Variants in GAS2 observed in about 807,000 individuals in gnomAD.
The protein encoded by GAS2 is growth arrest-specific protein 2.
Under a neutral mutation model 37.5 loss-of-function variants are expected in GAS2, and 20 were observed. The observed-to-expected ratio is 0.53, with a 90% CI of 0.37 to 0.77. GAS2 has a LOEUF of 0.77. Among genes scored for constraint, GAS2 ranks in the 30% least tolerant of loss-of-function variants. GAS2 has a pLI of 0.00. For synonymous variants in GAS2, 144 were observed against 132.2 expected, an observed-to-expected ratio of 1.09 and a Z score of -0.61; for missense variants, 336 against 373.4, an observed-to-expected ratio of 0.90 and a Z score of 0.82.
chr11:22,715,850 A>T (rs1565105443), intron 3 of GAS2, among the ~76,000 whole-genome samples: 1 of 152,116 alleles, frequency 6.6e-6, no homozygotes, highest in Non-Finnish European at 1.5e-5. Flanking sequence ...TCTATTAATC[A>T]AGTATTACCC....
intron 7 of GAS2, among the ~76,000 whole-genome samples, chr11:22,809,790 G>A (rs375974612): frequency 5.9e-5 from 9 of 151,792 alleles, no homozygotes; most frequent in East Asian, 1.9e-4. Flanking sequence ...CACCACGCCC[G>A]ACCATATTTA....
intron 1 of GAS2, among the ~76,000 whole-genome samples, chr11:22,652,765 T>TCG (rs1181497518): frequency 6.6e-6 from 1 of 152,154 alleles, no homozygotes; most frequent in Non-Finnish European, 1.5e-5. Context: ...AGGCAATGCC[T>TCG]CGCCCTGCTT....
At chr11:22,701,778 G>A (rs936310998) in intron 3 of GAS2, among the ~76,000 whole-genome samples, 2 of 151,648 alleles carry the variant, frequency 1.3e-5, no homozygotes, top group African/African-American at 2.4e-5. Context: ...GCAGTGAGCC[G>A]AGATCACACC....
chr11:22,627,841 A>G (rs981433384), intron 1 of GAS2, among the ~76,000 whole-genome samples: 2 of 152,134 alleles, frequency 1.3e-5, no homozygotes, highest in African/African-American at 2.4e-5. Flanking sequence ...TGAAAGTTCA[A>G]AGCTGAGTGT....
chr11:22,698,163 G>A (rs1338286699), intron 3 of GAS2, among the ~76,000 whole-genome samples: 2 of 152,024 alleles, frequency 1.3e-5, no homozygotes, highest in African/African-American at 4.8e-5. Flanking sequence ...TCAAATAGAT[G>A]CAATAAAAAA....
intron 7 of GAS2, among the ~76,000 whole-genome samples, chr11:22,791,917 A>G (rs2109681): frequency 0.36 from 55,201 of 152,062 alleles, 10,258 homozygotes; most frequent in Non-Finnish European, 0.4. Context: ...ATGAGGAGTG[A>G]ATATTGGTGT....
chr11:22,749,153 G>A lies in GAS2; in HGVS notation c.507G>A (p.Leu169=). 1 of 1,612,280 alleles carries A rather than the reference G, an allele frequency of 6.2e-7. No homozygotes were observed. The highest frequency in any genetic ancestry group is 8.5e-7 in the Non-Finnish European group (1 of 1,179,032). Residue 169 remains leucine (L), a synonymous_variant, in exon 6 of 8, where the codon CTG becomes CTA. Coordinates refer to ENST00000454584, the MANE Select transcript of GAS2 (RefSeq NM_001143830.3). ...TGGAGCCTCCTGGTTTGATAAAGCT[G>A]GAAAAAGAGATTGAACAAGAAGAAA... ...YGVEPPGLIK[L]EKEIEQEETL...
At chr11:22,808,166 A>T (rs1380543972) in intron 7 of GAS2, among the ~76,000 whole-genome samples, 1 of 152,200 alleles carries the variant, frequency 6.6e-6, no homozygotes, top group East Asian at 1.9e-4. Context: ...AATGACACAA[A>T]ATCAATCAAC....
intron 3 of GAS2, among the ~76,000 whole-genome samples, chr11:22,701,535 T>A (rs979911522): frequency 7.3e-5 from 11 of 151,588 alleles, no homozygotes; most frequent in East Asian, 3.9e-4. Context: ...AAAAAAAAAA[T>A]AGTTCGGAAA....
At chr11:22,641,090 G>T (rs1444002422) in intron 1 of GAS2, among the ~76,000 whole-genome samples, 3 of 150,076 alleles carry the variant, frequency 2.0e-5, no homozygotes, top group Admixed American at 6.7e-5. Flanking sequence ...GCTTTTTTTT[G>T]AATTGACCAA....
intron 4 of GAS2, among the ~76,000 whole-genome samples, chr11:22,731,563 T>C (rs188991471): frequency 2.1e-3 from 314 of 151,870 alleles, no homozygotes; most frequent in African/African-American, 6.8e-3. Flanking sequence ...TGAACATTGG[T>C]GAGCATTTTG....
intron 3 of GAS2, among the ~76,000 whole-genome samples, chr11:22,700,122 T>A (rs1045329416): frequency 1.3e-5 from 2 of 152,192 alleles, no homozygotes; most frequent in African/African-American, 4.8e-5. Context: ...ACTTAGTTGT[T>A]TCCTAGTCTT....
intron 7 of GAS2, among the ~76,000 whole-genome samples, chr11:22,774,950 AGAG>A (rs1414378705): frequency 6.6e-6 from 1 of 151,872 alleles, no homozygotes; most frequent in Admixed American, 6.6e-5. Context: ...CAGAAGTAAC[AGAG>A]GAGGAGATGA....
chr11:22,775,351 A>G (rs1590116920), intron 7 of GAS2, among the ~76,000 whole-genome samples: 2 of 152,228 alleles, frequency 1.3e-5, no homozygotes, highest in East Asian at 3.9e-4. Context: ...AATTCCAGGT[A>G]TATATATTAT....
chr11:22,647,995 G>A (rs1233301984), intron 1 of GAS2, among the ~76,000 whole-genome samples: 2 of 152,104 alleles, frequency 1.3e-5, no homozygotes, highest in African/African-American at 4.8e-5. Context: ...TGAAGTCCTT[G>A]CCCATACCTA....
At chr11:22,784,578 G>C (rs1228910747) in intron 7 of GAS2, among the ~76,000 whole-genome samples, 1 of 152,128 alleles carries the variant, frequency 6.6e-6, no homozygotes, top group African/African-American at 2.4e-5. Flanking sequence ...AATAGTCATT[G>C]CTCACAATGT....
chr11:22,797,926 G>T (rs1399024550), intron 7 of GAS2, among the ~76,000 whole-genome samples: 3 of 152,010 alleles, frequency 2.0e-5, no homozygotes, highest in Non-Finnish European at 4.4e-5. Context: ...ATGGCAATAT[G>T]TATCCCTAAA....
intron 3 of GAS2, among the ~76,000 whole-genome samples, chr11:22,707,516 A>G (rs1305315747): frequency 1.3e-5 from 2 of 152,194 alleles, no homozygotes; most frequent in Non-Finnish European, 2.9e-5. Flanking sequence ...CATTGTTTAG[A>G]CAGACCTCTG....
chr11:22,637,331 T>C (rs1385834115), intron 1 of GAS2, among the ~76,000 whole-genome samples: 1 of 102,388 alleles, frequency 9.8e-6, no homozygotes, highest in East Asian at 2.7e-4. Flanking sequence ...TAATATTAAT[T>C]ATATTAATAG....
Sources: gnomAD v4.1 joint callset for allele counts (sites outside exome capture counted in the v4.1 genomes callset) on GRCh38, gnomAD v4.1.1 for gene constraint, MANE v1.5 for transcripts, NCBI Gene and HGNC (gene_info 2026-07-23, HGNC 2026-07-21) for gene names.